FAM107A: variants seen among roughly 807,000 people sequenced by gnomAD.
The protein encoded by FAM107A is actin-associated protein FAM107A.
In FAM107A, 19 loss-of-function variants were observed where a neutral mutation model predicts 13.7. That is an observed-to-expected ratio of 1.38 (90% CI 0.97 to 2.03). The LOEUF is 2.03. FAM107A is among the 30% of genes most tolerant of loss of function. The pLI is 0.00. For missense variants in FAM107A, 203 were observed against 184.4 expected (o/e 1.10, Z -0.58); for synonymous variants, 82 against 74.5 (o/e 1.10, Z -0.52).
chr3:58,594,368 T>A (rs1042158430), intron 1 of FAM107A, among the ~76,000 whole-genome samples: 1 of 152,124 alleles, frequency 6.6e-6, no homozygotes, highest in Non-Finnish European at 1.5e-5. Context: ...CACTTTCTCA[T>A]ACACCATGAA....
rs528960512 is a variant in FAM107A, at chr3:58,584,901, G to C, written c.79+1957C>G. On this transcript the variant is annotated intron_variant, in intron 1 of 3. Transcript: ENST00000447756. Reference sequence around the variant, plus strand: ...CTCGGCCCCCCTCCCGCCCTGTGGAGTGTACTTTCATTTTCAATACATCTT... The same window carrying C: ...CTCGGCCCCCCTCCCGCCCTGTGGACTGTACTTTCATTTTCAATACATCTT... Among the ~76,000 whole-genome samples, 4 of 152,326 alleles carry C rather than the reference G, an allele frequency of 2.6e-5. No homozygotes were observed. In the South Asian group the frequency reaches 8.3e-4, roughly 32 times the overall value.
chr3:58,583,434 C>T (rs543656573), intron 1 of FAM107A, among the ~76,000 whole-genome samples: 28 of 152,194 alleles, frequency 1.8e-4, no homozygotes, highest in African/African-American at 6.5e-4. Flanking sequence ...ACCAGCCTGA[C>T]CAACATGGTG....
At chr3:58,622,497 G>A (rs1307549213) in intron 1 of FAM107A, among the ~76,000 whole-genome samples, 1 of 152,186 alleles carries the variant, frequency 6.6e-6, no homozygotes, top group Non-Finnish European at 1.5e-5. Context: ...GGTGGGGTTG[G>A]AGCTCGACAA....
chr3:58,575,459 G>A (rs1398824788), intron 1 of FAM107A, among the ~76,000 whole-genome samples: 1 of 152,110 alleles, frequency 6.6e-6, no homozygotes, highest in African/African-American at 2.4e-5. Context: ...CACCCTTGGA[G>A]GCAGCCAGTG....
chr3:58,619,977 A>C (rs1470186487), intron 1 of FAM107A, among the ~76,000 whole-genome samples: 1 of 152,064 alleles, frequency 6.6e-6, no homozygotes, highest in African/African-American at 2.4e-5. Flanking sequence ...GATTCAGTCT[A>C]TGTCCCTTCC....
intron 1 of FAM107A, among the ~76,000 whole-genome samples, chr3:58,619,564 T>A (rs74542349): frequency 0.015 from 2,353 of 152,294 alleles, 66 homozygotes; most frequent in East Asian, 0.14. Flanking sequence ...CCTGACCTGA[T>A]TAATCCTTCT....
At chr3:58,567,397 C>T in intron 2 of FAM107A, 33 bp from the exon 3 acceptor site, 1 of 1,587,620 alleles carries the variant, frequency 6.3e-7, no homozygotes, top group Non-Finnish European at 8.6e-7. Flanking sequence ...GTCAGGAGAC[C>T]ATCACCTTCC....
chr3:58,596,548 G>A (rs1485667434), intron 1 of FAM107A, among the ~76,000 whole-genome samples: 1 of 151,990 alleles, frequency 6.6e-6, no homozygotes, highest in East Asian at 1.9e-4. Flanking sequence ...ACCTGGTGAT[G>A]GGTGCCTGTA....
At chr3:58,623,982 G>A (rs1304827016) in intron 1 of FAM107A, among the ~76,000 whole-genome samples, 5 of 152,210 alleles carry the variant, frequency 3.3e-5, no homozygotes, top group African/African-American at 1.2e-4. Flanking sequence ...TCTATCCTGG[G>A]CGAGGGCACT....
chr3:58,619,664 T>C (rs2065935322), intron 1 of FAM107A, among the ~76,000 whole-genome samples: 2 of 152,236 alleles, frequency 1.3e-5, no homozygotes, highest in South Asian at 4.1e-4. Context: ...ACCTGCTCTG[T>C]CCCTGGGGAT....
At chr3:58,591,587 C>G (rs140825629), upstream of FAM107A, among the ~76,000 whole-genome samples, 67 of 152,346 alleles carry the variant, frequency 4.4e-4, no homozygotes, top group African/African-American at 1.5e-3. This position sits in a 1 kb window ranked among gnomAD's most constrained non-coding sequence, Gnocchi z 4.3. Flanking sequence ...TCTGCAGGAA[C>G]TGTTCCCTTC....
chr3:58,600,381 C>T (rs1037516843), intron 1 of FAM107A, among the ~76,000 whole-genome samples: 9 of 152,216 alleles, frequency 5.9e-5, no homozygotes, highest in African/African-American at 9.6e-5. Flanking sequence ...GACAGCTGCT[C>T]ATGCGACAGG....
upstream of FAM107A, among the ~76,000 whole-genome samples, chr3:58,579,267 G>T (rs1199057469): frequency 1.3e-5 from 2 of 152,190 alleles, no homozygotes; most frequent in East Asian, 3.9e-4. Flanking sequence ...CATCTTGGGA[G>T]TGAGGGAGGT....
In FAM107A at chr3:58,566,481, A is replaced by G. The variant is rs2063622063; in HGVS notation, c.*107T>C. On this transcript the variant is annotated 3_prime_UTR_variant, in exon 4 of 4. Coordinates refer to ENST00000360997, the MANE Select transcript of FAM107A (RefSeq NM_001076778.3). ...CACATTTCTACAGAAGCAGGTGGGA[A>G]CATCACAGACGTCCCAGGGCCTGGG... 3.8e-6 allele frequency: 3 copies of G among 779,736 alleles called. No homozygotes were observed. Among genetic ancestry groups the G allele is most frequent in the Non-Finnish European group, 6.5e-6 (3 of 463,772 alleles). The allele number at this position is 779,736 out of a possible 1,614,324, so 48.3% of individuals were successfully genotyped here.
chr3:58,627,024 G>A (rs1293691458), intron 1 of FAM107A: 1 of 1,535,682 alleles, frequency 6.5e-7, no homozygotes, highest in Non-Finnish European at 8.7e-7. Context: ...GCCTGGGTGG[G>A]CTGCAGGGGC....
At chr3:58,615,054 C>G (rs371737457) in intron 1 of FAM107A, among the ~76,000 whole-genome samples, 4 of 152,204 alleles carry the variant, frequency 2.6e-5, no homozygotes, top group East Asian at 3.9e-4. Flanking sequence ...GATCTGCCCA[C>G]CTTGCCCTCC....
chr3:58,578,844 C>T (rs963419895), upstream of FAM107A, among the ~76,000 whole-genome samples: 4 of 152,236 alleles, frequency 2.6e-5, no homozygotes, highest in African/African-American at 7.2e-5. Flanking sequence ...CTAGGACATG[C>T]ATCACAGGTG....
intron 1 of FAM107A, among the ~76,000 whole-genome samples, chr3:58,595,354 C>A (rs2065689826): frequency 6.6e-6 from 1 of 152,184 alleles, no homozygotes; most frequent in African/African-American, 2.4e-5. Context: ...ACCTGAAGAT[C>A]CACAGAAGAA....
chr3:58,614,719 G>T (rs2065885729), intron 1 of FAM107A, among the ~76,000 whole-genome samples: 1 of 152,058 alleles, frequency 6.6e-6, no homozygotes, highest in Admixed American at 6.5e-5. Flanking sequence ...TGGCCAGGCT[G>T]GTCTTGAACT....
Sources: gnomAD v4.1 joint callset for allele counts (sites outside exome capture counted in the v4.1 genomes callset) on GRCh38, gnomAD v4.1.1 for gene constraint, Gnocchi (gnomAD v3.1) non-coding constraint, MANE v1.5 for transcripts, NCBI Gene and HGNC (gene_info 2026-07-23, HGNC 2026-07-21) for gene names.